Variants in GPHN observed in about 807,000 individuals in gnomAD.
GPHN encodes the protein gephyrin.
A neutral mutation model predicts 95.5 loss-of-function variants in GPHN; 17 were observed. The ratio of observed to expected loss-of-function variants is 0.18; its 90% CI spans 0.12 to 0.27. The LOEUF (loss-of-function observed/expected upper bound fraction) is 0.27. Ranked by LOEUF, GPHN falls within the 10% of genes least tolerant of loss-of-function variation. The pLI, the probability that GPHN is intolerant of heterozygous loss-of-function variation, is 1.00. For synonymous variants in GPHN, 320 were observed against 322.5 expected, an observed-to-expected ratio of 0.99 and a Z score of 0.08; for missense variants, 660 against 978.1, an observed-to-expected ratio of 0.67 and a Z score of 4.34.
At chr14:66,848,123 G>A (rs113285979) in intron 4 of GPHN, among the ~76,000 whole-genome samples, 1,905 of 152,088 alleles carry the variant, frequency 0.013, 18 homozygotes, top group Non-Finnish European at 0.018. Flanking sequence ...GACTTAGAAT[G>A]CTTTTTAGAT....
At chr14:67,375,051 T>C in the GPHN span, among the ~76,000 whole-genome samples, 1 of 152,230 alleles carries the variant, frequency 6.6e-6, no homozygotes, top group East Asian at 1.9e-4. Context: ...TTTGGTTTTT[T>C]TCCCCCTCCA....
At chr14:66,620,649 C>T (rs1028408562) in intron 1 of GPHN, among the ~76,000 whole-genome samples, 4 of 152,108 alleles carry the variant, frequency 2.6e-5, no homozygotes, top group African/African-American at 4.8e-5. Flanking sequence ...GGGGACACAG[C>T]CAAACCATAT....
rs912024389 is a variant in GPHN, at chr14:67,173,778, A to G, written c.2079+4742A>G. 4.6e-5 allele frequency among the ~76,000 whole-genome samples: 7 copies of G among 152,222 alleles called. 1 individual carries two copies. Among genetic ancestry groups the G allele is most frequent in the Admixed American group, 2.6e-4 (4 of 15,280 alleles). On this transcript the variant is annotated intron_variant, in intron 21 of 22. Coordinates refer to ENST00000478722, the MANE Select transcript of GPHN (RefSeq NM_020806.5). ...TTATCTGAAGGAAATTCAATGAGAT[A>G]TAATAAAAAATATATACAGACAAGT...
At chr14:66,619,248 A>G (rs1276672259) in intron 1 of GPHN, among the ~76,000 whole-genome samples, 3 of 152,186 alleles carry the variant, frequency 2.0e-5, no homozygotes, top group Non-Finnish European at 2.9e-5. Context: ...ATACCTGTGA[A>G]TGAAATGGCT....
chr14:67,262,462 G>T, the GPHN span, among the ~76,000 whole-genome samples: 2 of 152,084 alleles, frequency 1.3e-5, no homozygotes, highest in African/African-American at 2.4e-5. Context: ...TTAAAACTCT[G>T]TTTGGCTCCT....
At chr14:67,371,016 C>T in the GPHN span, among the ~76,000 whole-genome samples, 1 of 151,846 alleles carries the variant, frequency 6.6e-6, no homozygotes, top group Non-Finnish European at 1.5e-5. Context: ...GTGACTAAGA[C>T]CCTGTCTCAA....
chr14:67,651,622 A>G, the GPHN span: 1 of 885,948 alleles, frequency 1.1e-6, no homozygotes, highest in Non-Finnish European at 1.7e-6. Context: ...GGAAGTACTC[A>G]TAAGGTTCTT....
At chr14:66,515,747 T>A (rs1048050542) in intron 1 of GPHN, among the ~76,000 whole-genome samples, 3 of 152,156 alleles carry the variant, frequency 2.0e-5, no homozygotes, top group African/African-American at 7.2e-5. Flanking sequence ...AATGAAATAA[T>A]GTATTCAGTA....
intron 1 of GPHN, among the ~76,000 whole-genome samples, chr14:66,568,603 A>C (rs1424151905): frequency 6.6e-6 from 1 of 152,164 alleles, no homozygotes; most frequent in Non-Finnish European, 1.5e-5. Flanking sequence ...TGATTCTAAA[A>C]ATTTCCTTGG....
At chr14:66,714,083 T>G (rs575794119) in intron 2 of GPHN, among the ~76,000 whole-genome samples, 14 of 152,196 alleles carry the variant, frequency 9.2e-5, no homozygotes, top group Non-Finnish European at 1.8e-4. Context: ...ATGGTCATTT[T>G]CACAATATTG....
chr14:66,749,389 AG>A (rs1406052688), intron 2 of GPHN, among the ~76,000 whole-genome samples: 7 of 151,920 alleles, frequency 4.6e-5, no homozygotes, highest in African/African-American at 1.7e-4. Flanking sequence ...CATGTGGTAC[AG>A]TGTGTTTAGT....
the GPHN span, among the ~76,000 whole-genome samples, chr14:67,668,778 T>C: frequency 2.0e-5 from 3 of 152,192 alleles, no homozygotes; most frequent in Admixed American, 6.5e-5. Context: ...TCTGATTCAA[T>C]AGGTCTGGGG....
intron 4 of GPHN, among the ~76,000 whole-genome samples, chr14:66,872,980 G>A (rs140472433): frequency 2.1e-3 from 316 of 152,004 alleles, no homozygotes; most frequent in African/African-American, 7.0e-3. Context: ...TAAAAAAGAC[G>A]GTTGGGCAAG....
chr14:67,333,552 TA>T, the GPHN span: 2 of 152,554 alleles, frequency 1.3e-5, no homozygotes, highest in Non-Finnish European at 1.5e-5. Flanking sequence ...TTTTGATTCT[TA>T]AAAAAACAAA....
chr14:67,347,591 T>C, the GPHN span: 1 of 686,268 alleles, frequency 1.5e-6, no homozygotes, highest in Non-Finnish European at 2.5e-6. Flanking sequence ...AACCTCTGCC[T>C]CCCAGGTTCA....
chr14:67,481,905 C>T, the GPHN span, among the ~76,000 whole-genome samples: 1 of 152,158 alleles, frequency 6.6e-6, no homozygotes, highest in Admixed American at 6.5e-5. Flanking sequence ...AGACCTGTGA[C>T]ATGAAGATAG....
At chr14:66,523,140 A>T (rs1249827008) in intron 1 of GPHN, among the ~76,000 whole-genome samples, 1 of 152,126 alleles carries the variant, frequency 6.6e-6, no homozygotes, top group Non-Finnish European at 1.5e-5. Context: ...AACAGGAAAA[A>T]TTACTAGAAA....
At chr14:66,677,097 G>C (rs570700016) in intron 1 of GPHN, among the ~76,000 whole-genome samples, 3 of 152,018 alleles carry the variant, frequency 2.0e-5, no homozygotes, top group African/African-American at 7.2e-5. Flanking sequence ...ATAATTTCTA[G>C]TGGTCCTTTG....
chr14:66,559,424 T>C (rs1301333353), intron 1 of GPHN, among the ~76,000 whole-genome samples: 3 of 135,510 alleles, frequency 2.2e-5, no homozygotes, highest in East Asian at 4.3e-4. Flanking sequence ...TTTTAATGAT[T>C]GCCATTCTAA....
Sources: gnomAD v4.1 joint callset for allele counts (sites outside exome capture counted in the v4.1 genomes callset) on GRCh38, gnomAD v4.1.1 for gene constraint, MANE v1.5 for transcripts, NCBI Gene and HGNC (gene_info 2026-07-23, HGNC 2026-07-21) for gene names.